The following L3MBTL3 variants were observed in gnomAD, a reference collection of about 807,000 sequenced individuals.
L3MBTL3 encodes lethal(3)malignant brain tumor-like protein 3.
In L3MBTL3, 27 loss-of-function variants were observed where a neutral mutation model predicts 102.3. The ratio of observed to expected loss-of-function variants is 0.26; its 90% confidence interval spans 0.19 to 0.36. The LOEUF is 0.36. L3MBTL3 is among the 10% of genes least tolerant of loss of function. The probability of loss-of-function intolerance (pLI) is 1.00; values close to 1 mark genes in which losing one functional copy is unlikely to be tolerated. For missense variants in L3MBTL3, 798 were observed against 955.3 expected, an observed-to-expected ratio of 0.84 and a Z score of 2.17; for synonymous variants, 340 against 320.9, an observed-to-expected ratio of 1.06 and a Z score of -0.64.
chr6:130,073,037 C>G (rs1584375372), intron 13 of L3MBTL3, among the ~76,000 whole-genome samples: 2 of 152,062 alleles, frequency 1.3e-5, no homozygotes. Context: ...ATCTTATTTA[C>G]TGTGTTCTTC....
At position 130,119,411 on chromosome 6, in the gene L3MBTL3, A is replaced by C. The variant is rs188921931; in HGVS notation, c.1887-1468A>C. 4.6e-5 allele frequency among the ~76,000 whole-genome samples: 7 copies of C among 152,344 alleles called. No individual in the cohort carries two copies. In the South Asian group the frequency reaches 1.5e-3, roughly 32 times the overall value. ...GAAGTTCATAGAAGTTAATTTTAGCATGGTAAGCTAATTTTAACATGTTGT... is the reference window on the plus strand; with the variant it reads ...GAAGTTCATAGAAGTTAATTTTAGCCTGGTAAGCTAATTTTAACATGTTGT... On this transcript the variant is annotated intron_variant, in intron 19 of 22. Transcript: ENST00000361794.
chr6:130,139,822 G>A lies in L3MBTL3; in HGVS notation c.*69G>A, dbSNP rs994706103. On this transcript the variant is annotated 3_prime_UTR_variant, in exon 23 of 23. Transcript: ENST00000361794. ...CATGTTTTATTCAAAGCACAAGGAC[G>A]GTTATAACTCCTAAGTGAGAAGTCT... 29 of 1,453,760 alleles carry A rather than the reference G, an allele frequency of 2.0e-5. No homozygotes were observed. Among genetic ancestry groups the A allele is most frequent in the East Asian group, 4.6e-5 (2 of 43,402 alleles). The allele number at this position is 1,453,760 out of a possible 1,614,324, so 90.1% of individuals were successfully genotyped here. A position where few individuals can be genotyped will look rare whatever the true frequency, so the allele number is the denominator to read the frequency against.
intron 19 of L3MBTL3, among the ~76,000 whole-genome samples, chr6:130,108,642 A>AT (rs927444775): frequency 2.3e-3 from 341 of 147,216 alleles, no homozygotes; most frequent in African/African-American, 7.5e-3. Flanking sequence ...TGTTTACTAT[A>AT]TTTTTTTTTT....
chr6:130,110,184 C>T (rs542167571), intron 19 of L3MBTL3, among the ~76,000 whole-genome samples: 1 of 152,234 alleles, frequency 6.6e-6, no homozygotes, highest in Admixed American at 6.5e-5. Flanking sequence ...TATATGGACT[C>T]TTCTTTGGTT....
Position 130,139,845 on chromosome 6 carries a change from T to C in L3MBTL3, c.*92T>C. ...ACGGTTATAACTCCTAAGTGAGAAG[T>C]CTCCAAAACTCAAAAGAGCAACACT... On this transcript the variant is annotated 3_prime_UTR_variant, in exon 23 of 23. Coordinates refer to ENST00000361794, the MANE Select transcript of L3MBTL3 (RefSeq NM_032438.4). 1 of 1,144,546 alleles carries C rather than the reference T, an allele frequency of 8.7e-7. No homozygotes were observed. Among genetic ancestry groups the C allele is most frequent in the African/African-American group, 1.6e-5 (1 of 64,408 alleles). The allele number at this position is 1,144,546 out of a possible 1,614,324, so 70.9% of individuals were successfully genotyped here. A position where few individuals can be genotyped will look rare whatever the true frequency, so the allele number is the denominator to read the frequency against.
At chr6:130,059,464 A>G (rs1268900506) in intron 9 of L3MBTL3, among the ~76,000 whole-genome samples, 1 of 152,180 alleles carries the variant, frequency 6.6e-6, no homozygotes, top group Non-Finnish European at 1.5e-5. Flanking sequence ...GTTCTTCCCT[A>G]TTGATTTGCA....
intron 20 of L3MBTL3, among the ~76,000 whole-genome samples, chr6:130,124,672 C>A (rs931617615): frequency 6.6e-6 from 1 of 152,110 alleles, no homozygotes; most frequent in African/African-American, 2.4e-5. Context: ...GGAATGATAT[C>A]AAAAATACTT....
chr6:130,027,797 A>G (rs1210640659), intron 2 of L3MBTL3, among the ~76,000 whole-genome samples: 1 of 152,218 alleles, frequency 6.6e-6, no homozygotes, highest in East Asian at 1.9e-4. Context: ...TTAAAATTTT[A>G]GTTCATGCAT....
intron 2 of L3MBTL3, among the ~76,000 whole-genome samples, chr6:130,027,299 T>A (rs1004837726): frequency 1.5e-4 from 23 of 152,164 alleles, no homozygotes; most frequent in African/African-American, 5.3e-4. Flanking sequence ...ACCAGACCTT[T>A]TAAAGGCTGG....
chr6:130,089,257 C>T (rs1396379975), intron 16 of L3MBTL3, among the ~76,000 whole-genome samples: 3 of 150,826 alleles, frequency 2.0e-5, no homozygotes, highest in South Asian at 2.1e-4. Context: ...TGATGTTCCC[C>T]GCCCTGTGTC....
At chr6:130,051,580 A>T (rs1209954657) in intron 6 of L3MBTL3, among the ~76,000 whole-genome samples, 172 bp downstream of exon 6, 1 of 152,164 alleles carries the variant, frequency 6.6e-6, no homozygotes, top group African/African-American at 2.4e-5. Context: ...GGACCTGGTG[A>T]CGTCTGTCAT....
chr6:130,064,077 A>G (rs903025979), intron 10 of L3MBTL3, among the ~76,000 whole-genome samples: 1 of 152,224 alleles, frequency 6.6e-6, no homozygotes, highest in Non-Finnish European at 1.5e-5. Flanking sequence ...GACTGGCGGT[A>G]TGTCATTTTT....
chr6:130,029,152 T>A (rs1421004734), intron 2 of L3MBTL3, among the ~76,000 whole-genome samples: 1 of 152,206 alleles, frequency 6.6e-6, no homozygotes, highest in Non-Finnish European at 1.5e-5. Flanking sequence ...AGATACAGTG[T>A]CATAAGCATT....
intron 22 of L3MBTL3, 23 bp from the exon 23 acceptor site, chr6:130,139,587 G>A (rs1788092972): frequency 6.2e-7 from 1 of 1,606,276 alleles, no homozygotes; most frequent in African/African-American, 1.3e-5. Context: ...TCCACATTCT[G>A]TTGTTTTTTT....
At position 130,133,760 on chromosome 6, in the gene L3MBTL3, A is replaced by G. The variant is rs759599278; in HGVS notation, c.2137-83A>G. On this transcript the variant is annotated intron_variant, in intron 21 of 22. Transcript: ENST00000361794. This position sits in a 1 kb window ranked among gnomAD's most constrained non-coding sequence, Gnocchi z 4.9. ...TTATTGTGAGAGAAATAACTAATGC[A>G]TATGGGTTAAATGTTTTGAACCTGT... The G allele has an allele frequency of 1.8e-5, 26 of 1,454,654 alleles. No individual in the cohort carries two copies. The highest frequency in any genetic ancestry group is 2.2e-5 in the Non-Finnish European group (23 of 1,040,532). The allele number at this position is 1,454,654 out of a possible 1,614,324, so 90.1% of individuals were successfully genotyped here. A position where few individuals can be genotyped will look rare whatever the true frequency, so the allele number is the denominator to read the frequency against.
chr6:130,106,288 A>G (rs1784977152), intron 19 of L3MBTL3, among the ~76,000 whole-genome samples: 2 of 152,120 alleles, frequency 1.3e-5, no homozygotes, highest in African/African-American at 4.8e-5. Context: ...CTGACCTGCC[A>G]TTACTTTTCC....
intron 3 of L3MBTL3, among the ~76,000 whole-genome samples, chr6:130,043,456 G>A (rs920029035): frequency 5.3e-5 from 8 of 152,122 alleles, no homozygotes; most frequent in African/African-American, 1.9e-4. Flanking sequence ...GACCACTTCT[G>A]TTGTCCCATG....
intron 1 of L3MBTL3, among the ~76,000 whole-genome samples, chr6:130,021,164 C>T (rs940842698): frequency 1.3e-5 from 2 of 152,026 alleles, no homozygotes; most frequent in Non-Finnish European, 2.9e-5. Context: ...AGCATTTCTC[C>T]GGAAAGTTTC....
At chr6:130,047,372 C>T (rs976700189) in intron 3 of L3MBTL3, among the ~76,000 whole-genome samples, 3 of 152,114 alleles carry the variant, frequency 2.0e-5, no homozygotes, top group Admixed American at 6.6e-5. Context: ...TCGTGGGAAT[C>T]GTTCCTTTTA....
Sources: allele counts gnomAD v4.1 joint callset (sites outside exome capture counted in the v4.1 genomes callset), GRCh38; gene constraint gnomAD v4.1.1; non-coding constraint Gnocchi (gnomAD v3.1); transcripts MANE v1.5; gene names NCBI Gene and HGNC (gene_info 2026-07-23, HGNC 2026-07-21).